CCNI: variants seen among roughly 807,000 people sequenced by gnomAD.
CCNI encodes cyclin I, also known as cyclin-I.
CCNI carries 14 observed loss-of-function variants against 34.1 expected under a neutral mutation model. The ratio of observed to expected loss-of-function variants is 0.41; its 90% CI spans 0.27 to 0.64. CCNI has a LOEUF of 0.64. Among genes scored for constraint, CCNI ranks in the 30% least tolerant of loss-of-function variants. CCNI has a pLI of 0.31. For synonymous variants in CCNI, 154 were observed against 158.4 expected (o/e 0.97, Z 0.21); for missense variants, 385 against 440.5 (o/e 0.87, Z 1.13).
chr4:77,060,364 A>G (rs1441817440), intron 2 of CCNI, among the ~76,000 whole-genome samples: 1 of 152,252 alleles, frequency 6.6e-6, no homozygotes, highest in African/African-American at 2.4e-5. Flanking sequence ...ATAATGTCAG[A>G]AAAACAAATT....
At chr4:77,064,710 T>C (rs1728903782) in intron 2 of CCNI, 1 of 151,368 alleles carries the variant, frequency 6.6e-6, no homozygotes, top group Non-Finnish European at 1.5e-5. Flanking sequence ...GAGTCTCACT[T>C]ACCCTGTCGT....
At chr4:77,062,522 T>A (rs1193106798) in intron 2 of CCNI, among the ~76,000 whole-genome samples, 1 of 151,138 alleles carries the variant, frequency 6.6e-6, no homozygotes, top group Non-Finnish European at 1.5e-5. Context: ...ATGGAGCCAC[T>A]GCACCCCAGC....
intron 3 of CCNI, among the ~76,000 whole-genome samples, chr4:77,057,812 T>A (rs1390237395): frequency 6.6e-6 from 1 of 152,168 alleles, no homozygotes; most frequent in Non-Finnish European, 1.5e-5. Flanking sequence ...CCACACAGTA[T>A]GGATATTCAA....
At position 77,055,146 on chromosome 4, in the gene CCNI, C is replaced by T; in HGVS notation, c.690+4G>A. 1 of 1,586,042 alleles carries T rather than the reference C, an allele frequency of 6.3e-7. No homozygotes were observed. Among genetic ancestry groups the T allele is most frequent in the East Asian group, 2.2e-5 (1 of 44,740 alleles). On this transcript the variant is annotated splice_donor_region_variant and intron_variant, in intron 6 of 6. Coordinates refer to ENST00000237654, the MANE Select transcript of CCNI (RefSeq NM_006835.3). ...GAACACTATTTAATTAGACTGACAC[C>T]TACCTGTGCTTTCTGAAGCAGTTCA...
chr4:77,048,639 A>G lies in CCNI; in HGVS notation c.714T>C (p.His238=). The G allele has an allele frequency of 1.3e-6, 2 of 1,550,262 alleles. No individual in the cohort carries two copies. Among genetic ancestry groups the G allele is most frequent in the Non-Finnish European group, 1.7e-6 (2 of 1,147,096 alleles). ...KAQMDSSQLI[H]CRELVAHHLS... ...GGTGATGTGCCACAAGCTCCCGACA[A>G]TGGATCAACTGGGAGCTATCCATCT... Residue 238 remains histidine, a synonymous_variant, in exon 7 of 7, where the codon CAT becomes CAC. Transcript: ENST00000237654.
chr4:77,051,249 G>A (rs149019756), intron 6 of CCNI, among the ~76,000 whole-genome samples: 9 of 152,218 alleles, frequency 5.9e-5, no homozygotes, highest in Admixed American at 2.0e-4. Context: ...ACTGTACCTC[G>A]TTTAATGAAA....
At chr4:77,063,532 T>C (rs1728778322) in intron 2 of CCNI, among the ~76,000 whole-genome samples, 1 of 151,478 alleles carries the variant, frequency 6.6e-6, no homozygotes, top group African/African-American at 2.4e-5. Context: ...TACTAAAAAA[T>C]ACAAAAAATT....
intron 3 of CCNI, 121 bp downstream of exon 3, chr4:77,058,386 C>T (rs1578240617): frequency 1.5e-6 from 1 of 658,136 alleles, no homozygotes; most frequent in Non-Finnish European, 2.5e-6. Context: ...TGGGTACATA[C>T]ATCATTCTCC....
intron 1 of CCNI, among the ~76,000 whole-genome samples, chr4:77,071,953 T>C (rs943471371): frequency 1.3e-5 from 2 of 152,212 alleles, no homozygotes; most frequent in Non-Finnish European, 2.9e-5. Flanking sequence ...ACTGGTTAAT[T>C]CTACCAACCA....
At chr4:77,055,613 C>A (rs2109801702) in intron 5 of CCNI, among the ~76,000 whole-genome samples, 1 of 152,064 alleles carries the variant, frequency 6.6e-6, no homozygotes, top group South Asian at 2.1e-4. Flanking sequence ...ATTACAGGCG[C>A]CTGCCACCAT....
chr4:77,060,264 T>C (rs1728515309), intron 2 of CCNI, among the ~76,000 whole-genome samples: 2 of 152,198 alleles, frequency 1.3e-5, no homozygotes, highest in Non-Finnish European at 1.5e-5. Flanking sequence ...TATAACTAAA[T>C]GACATAACTA....
chr4:77,061,813 GC>G (rs1728625367), intron 2 of CCNI, among the ~76,000 whole-genome samples: 1 of 152,074 alleles, frequency 6.6e-6, no homozygotes, highest in African/African-American at 2.4e-5. Context: ...GGGACTACAG[GC>G]ACCCGCCACC....
chr4:77,048,349 T>G lies in CCNI; in HGVS notation c.1004A>C (p.Asp335Ala). The G allele has an allele frequency of 6.2e-7, 1 of 1,606,450 alleles. No homozygotes were observed. The highest frequency in any genetic ancestry group is 1.7e-5 in the Admixed American group (1 of 59,780). Residue 335 changes from aspartate (D) to alanine (A), a missense_variant, in exon 7 of 7, where the codon GAT (aspartate) becomes GCT (alanine). By Grantham distance (126) the Asp-to-Ala change is moderately radical. Transcript: ENST00000237654. ...VEEMEVDDFY[D>A]GIKRLYNEDN... ...TTCATTATAGAGCCGTTTGATTCCA[T>G]CATAGAAGTCATCCACTTCCATTTC...
At chr4:77,072,984 A>G (rs1304865816) in intron 1 of CCNI, among the ~76,000 whole-genome samples, 2 of 152,236 alleles carry the variant, frequency 1.3e-5, no homozygotes, top group Non-Finnish European at 2.9e-5. Flanking sequence ...GCACAAGCCT[A>G]TTTTCTACGG....
At chr4:77,074,802 C>G (rs1159099983) in intron 1 of CCNI, 2 of 152,218 alleles carry the variant, frequency 1.3e-5, no homozygotes, top group Admixed American at 1.3e-4. Flanking sequence ...CCCGAAACAC[C>G]TTCCACTGTT....
At chr4:77,055,434 A>C in intron 5 of CCNI, 54 bp from the exon 6 acceptor site, 1 of 1,205,376 alleles carries the variant, frequency 8.3e-7, no homozygotes, top group Non-Finnish European at 1.2e-6. Flanking sequence ...GGGAAATTAC[A>C]TATAGAAATT....
chr4:77,058,349 A>T (rs1728376595), intron 3 of CCNI, among the ~76,000 whole-genome samples, 158 bp downstream of exon 3: 1 of 152,208 alleles, frequency 6.6e-6, no homozygotes, highest in Non-Finnish European at 1.5e-5. Flanking sequence ...AATAAACAAT[A>T]GCAGAAGACA....
rs1578227473 is a variant in CCNI at position 77,047,916 on chromosome 4, G to A, written c.*303C>T. 4.4e-6 allele frequency: 1 copy of A among 225,644 alleles called. No homozygotes were observed. Among genetic ancestry groups the A allele is most frequent in the East Asian group, 9.6e-5 (1 of 10,440 alleles). 14.0% of individuals were successfully genotyped at this position (225,644 alleles called of 1,614,324 possible). A position where few individuals can be genotyped will look rare whatever the true frequency, so the allele number is the denominator to read the frequency against. The stretch of plus-strand genomic sequence containing the variant: ...TGAATTTTAATTGAATTTTTGACGG[G>A]GCAAGCTACGTTACATTATGGCAGA... On this transcript the variant is annotated 3_prime_UTR_variant, in exon 7 of 7. Coordinates refer to ENST00000237654, the MANE Select transcript of CCNI (RefSeq NM_006835.3).
chr4:77,063,866 TAAG>T (rs1234950752), intron 2 of CCNI, among the ~76,000 whole-genome samples: 3 of 152,050 alleles, frequency 2.0e-5, no homozygotes, highest in Admixed American at 2.0e-4. Flanking sequence ...GGCAAATCCT[TAAG>T]AAGTGGATCT....
Sources: gnomAD v4.1 joint callset for allele counts (sites outside exome capture counted in the v4.1 genomes callset) on GRCh38, gnomAD v4.1.1 for gene constraint, MANE v1.5 for transcripts, NCBI Gene and HGNC (gene_info 2026-07-23, HGNC 2026-07-21) for gene names.